The following E2F3 variants were observed in gnomAD, a reference collection of about 807,000 sequenced individuals.
E2F3 encodes transcription factor E2F3.
In E2F3, 11 loss-of-function variants were observed where a neutral mutation model predicts 44.4. The ratio of observed to expected loss-of-function variants is 0.25; its 90% CI spans 0.16 to 0.41. The LOEUF (loss-of-function observed/expected upper bound fraction) is 0.41. E2F3 is among the 10% of genes least tolerant of loss of function. The pLI is 1.00. For missense variants in E2F3, 487 were observed against 583.6 expected (o/e 0.83, Z 1.70); for synonymous variants, 249 against 253.0 (o/e 0.98, Z 0.15).
chr6:20,406,531 A>G (rs900864556), intron 1 of E2F3, among the ~76,000 whole-genome samples: 4 of 152,226 alleles, frequency 2.6e-5, no homozygotes, highest in Admixed American at 2.6e-4. Context: ...TCTGTAATTA[A>G]TTATTTATGC....
At position 20,489,144 on chromosome 6, in the gene E2F3, G is replaced by A. The variant is rs4134980; in HGVS notation, c.1135+896G>A. Among the ~76,000 whole-genome samples the A allele has an allele frequency of 2.8e-3, 421 of 152,294 alleles. 4 individuals carry two copies. The highest frequency in any genetic ancestry group is 9.7e-3 in the African/African-American group (404 of 41,568). Reference sequence around the variant, plus strand: ...TTAGTGTCTCCCTATATAGCAGCAAGAATAAGGGTGATTTAAGTGAATAAG... The same window carrying A: ...TTAGTGTCTCCCTATATAGCAGCAAAAATAAGGGTGATTTAAGTGAATAAG... On this transcript the variant is annotated intron_variant, in intron 6 of 6. Coordinates refer to ENST00000346618, the MANE Select transcript of E2F3 (RefSeq NM_001949.5).
rs4134976 is a variant in E2F3 at position 20,488,678 on chromosome 6, G to A, written c.1135+430G>A. 4.1e-3 allele frequency among the ~76,000 whole-genome samples: 628 copies of A among 152,280 alleles called. 6 individuals are homozygous for A. The highest frequency in any genetic ancestry group is 0.014 in the African/African-American group (597 of 41,556). Reference sequence around the variant, plus strand: ...ATTTTCCCCCCCAATGAGATGGGGAGAGGATATGGGAGGAGAACGCTAGGA... The same window carrying A: ...ATTTTCCCCCCCAATGAGATGGGGAAAGGATATGGGAGGAGAACGCTAGGA... On this transcript the variant is annotated intron_variant, in intron 6 of 6. Transcript: ENST00000346618.
intron 1 of E2F3, among the ~76,000 whole-genome samples, chr6:20,426,297 T>C (rs1581587032): frequency 6.6e-6 from 1 of 152,344 alleles, no homozygotes; most frequent in Non-Finnish European, 1.5e-5. Context: ...TTAGTGTCTT[T>C]TATAAAAATA....
intron 1 of E2F3, chr6:20,403,679 A>C: frequency 1.6e-5 from 7 of 443,058 alleles, no homozygotes; most frequent in Non-Finnish European, 2.4e-5. Flanking sequence ...CGCCCCCGGC[A>C]CCGCCACCCT....
At chr6:20,484,892 G>T (rs1285618275) in intron 4 of E2F3, among the ~76,000 whole-genome samples, 4 of 151,064 alleles carry the variant, frequency 2.6e-5, no homozygotes, top group Non-Finnish European at 5.9e-5. Flanking sequence ...GACAGAGGTG[G>T]CAGTGAGCTG....
intron 1 of E2F3, among the ~76,000 whole-genome samples, chr6:20,457,277 C>T (rs1761337332): frequency 1.3e-5 from 2 of 151,506 alleles, no homozygotes; most frequent in Admixed American, 6.6e-5. Flanking sequence ...CAGGTTCAAG[C>T]GATTCTCCCG....
chr6:20,464,497 A>G (rs899002311), intron 1 of E2F3, among the ~76,000 whole-genome samples: 4 of 152,134 alleles, frequency 2.6e-5, no homozygotes, highest in Admixed American at 6.5e-5. Context: ...CCCAGACAGC[A>G]TGGTTATTTC....
At chr6:20,447,923 A>G (rs1041462785) in intron 1 of E2F3, among the ~76,000 whole-genome samples, 2 of 152,220 alleles carry the variant, frequency 1.3e-5, no homozygotes, top group African/African-American at 4.8e-5. Flanking sequence ...CAGAGAGGGC[A>G]GGTGACTTGC....
intron 1 of E2F3, among the ~76,000 whole-genome samples, chr6:20,408,640 C>G (rs1015769481): frequency 6.6e-6 from 1 of 152,180 alleles, no homozygotes; most frequent in Non-Finnish European, 1.5e-5. Flanking sequence ...CAGCCAGATG[C>G]ACTTTGCTTT....
chr6:20,402,418 C>T lies in E2F3; in HGVS notation c.186C>T (p.Thr62=). The T allele has an allele frequency of 6.2e-7, 1 of 1,611,768 alleles. No individual in the cohort carries two copies. Among genetic ancestry groups the T allele is most frequent in the Non-Finnish European group, 8.5e-7 (1 of 1,179,444 alleles). ...CGGGCGCGTACATCCAGATCCTCACCACGAACACTTCCACCACCTCCTGTT... is the reference window on the plus strand; with the variant it reads ...CGGGCGCGTACATCCAGATCCTCACTACGAACACTTCCACCACCTCCTGTT... ...AAPGAYIQIL[T]TNTSTTSCSS... is the part of the protein sequence containing the mutation. The change falls in exon 1 of 7, where the codon ACC becomes ACT. Residue 62 remains threonine (T), a synonymous_variant. Transcript: ENST00000346618. The surrounding 1 kb of genome is among the most constrained non-coding windows in gnomAD (Gnocchi z 5.6).
intron 1 of E2F3, among the ~76,000 whole-genome samples, chr6:20,412,959 G>T (rs1034566872): frequency 2.0e-5 from 3 of 152,124 alleles, no homozygotes; most frequent in Non-Finnish European, 4.4e-5. Flanking sequence ...TGCTTTACTC[G>T]CATTAGCACA....
intron 1 of E2F3, among the ~76,000 whole-genome samples, chr6:20,473,415 CTTA>C (rs749493813): frequency 3.3e-4 from 50 of 152,160 alleles, no homozygotes; most frequent in Non-Finnish European, 5.9e-4. Flanking sequence ...TAATAGCCAC[CTTA>C]TTAAGGGTGT....
intron 3 of E2F3, 82 bp from the exon 4 acceptor site, chr6:20,482,680 A>G: frequency 7.0e-7 from 1 of 1,435,966 alleles, no homozygotes; most frequent in Non-Finnish European, 9.3e-7. Context: ...CTATGTCAAG[A>G]GGAGACATTT....
At chr6:20,483,662 TACAG>T (rs1762303607) in intron 4 of E2F3, among the ~76,000 whole-genome samples, 1 of 152,314 alleles carries the variant, frequency 6.6e-6, no homozygotes, top group East Asian at 1.9e-4. Context: ...ATCATCTCAC[TACAG>T]ACAAAGTAAG....
intron 1 of E2F3, among the ~76,000 whole-genome samples, chr6:20,434,580 A>G (rs1760512187): frequency 6.6e-6 from 1 of 152,188 alleles, no homozygotes; most frequent in Admixed American, 6.5e-5. Context: ...CATTATTTCC[A>G]AAAATATTCT....
chr6:20,478,466 G>A lies in E2F3; in HGVS notation c.394-1380G>A, dbSNP rs530231255. Among the ~76,000 whole-genome samples, 381 of 152,204 alleles carry A rather than the reference G, an allele frequency of 2.5e-3. 1 individual carries two copies. Among genetic ancestry groups the A allele is most frequent in the Middle Eastern group, 6.8e-3 (2 of 294 alleles). On this transcript the variant is annotated intron_variant, in intron 1 of 6. Coordinates refer to ENST00000346618, the MANE Select transcript of E2F3 (RefSeq NM_001949.5). ...TAGAGGGGCTGAATATCTAGCTTCC[G>A]CTGATAAGTTATTACTTACGTTTTC...
At chr6:20,488,024 T>C (rs934070915) in intron 5 of E2F3, 89 bp from the exon 6 acceptor site, 24 of 1,565,152 alleles carry the variant, frequency 1.5e-5, no homozygotes, top group African/African-American at 2.7e-5. Flanking sequence ...ACGAACATTG[T>C]TCTTACTTTC....
At chr6:20,403,308 C>T (rs1206357990) in intron 1 of E2F3, among the ~76,000 whole-genome samples, 1 of 152,088 alleles carries the variant, frequency 6.6e-6, no homozygotes, top group Non-Finnish European at 1.5e-5. Flanking sequence ...GCGCTCTGGC[C>T]TGGGCGCATC....
chr6:20,404,227 A>C (rs1373756734), intron 1 of E2F3, among the ~76,000 whole-genome samples: 1 of 151,836 alleles, frequency 6.6e-6, no homozygotes, highest in Non-Finnish European at 1.5e-5. Flanking sequence ...TTCCCAGGCC[A>C]CCCGCCACCC....
Sources: allele counts gnomAD v4.1 joint callset (sites outside exome capture counted in the v4.1 genomes callset), GRCh38; gene constraint gnomAD v4.1.1; non-coding constraint Gnocchi (gnomAD v3.1); transcripts MANE v1.5; gene names NCBI Gene and HGNC (gene_info 2026-07-23, HGNC 2026-07-21).